The following C12orf54 variants were observed in gnomAD, a reference collection of about 807,000 sequenced individuals.
C12orf54 encodes the protein uncharacterized protein C12orf54.
C12orf54 carries 24 observed loss-of-function variants against 26.4 expected under a neutral mutation model. That is an observed-to-expected ratio of 0.91 (90% confidence interval 0.66 to 1.28). C12orf54 has a LOEUF of 1.28. C12orf54 is among the 50% of genes most tolerant of loss of function. The pLI, the probability that C12orf54 is intolerant of heterozygous loss-of-function variation, is 0.00. For missense variants in C12orf54, 154 were observed against 150.9 expected (o/e 1.02, Z -0.11); for synonymous variants, 54 against 47.0 (o/e 1.15, Z -0.61).
chr12:48,480,940 T>C (rs1375434189), upstream of C12orf54, among the ~76,000 whole-genome samples: 1 of 116,676 alleles, frequency 8.6e-6, no homozygotes, highest in Non-Finnish European at 2.3e-5. Context: ...ATGGAGGTCA[T>C]TATCCCAGGC....
At chr12:48,468,005 G>C in the C12orf54 span, among the ~76,000 whole-genome samples, 1 of 151,924 alleles carries the variant, frequency 6.6e-6, no homozygotes, top group Non-Finnish European at 1.5e-5. Flanking sequence ...AGTATTTATT[G>C]GCTCATTTAT....
At chr12:48,454,503 A>G in the C12orf54 span, among the ~76,000 whole-genome samples, 1 of 152,188 alleles carries the variant, frequency 6.6e-6, no homozygotes, top group Non-Finnish European at 1.5e-5. Context: ...GGCAGATTAG[A>G]AAGGCCTAGG....
At chr12:48,450,017 C>A in the C12orf54 span, among the ~76,000 whole-genome samples, 2 of 152,176 alleles carry the variant, frequency 1.3e-5, no homozygotes, top group East Asian at 3.8e-4. Context: ...CTGCCATGAT[C>A]CTGAGGCCTC....
At chr12:48,437,165 T>G in the C12orf54 span, among the ~76,000 whole-genome samples, 2 of 152,158 alleles carry the variant, frequency 1.3e-5, no homozygotes, top group South Asian at 4.1e-4. Flanking sequence ...AATGGATAAA[T>G]TCCTGGACAC....
At chr12:48,454,879 T>C in the C12orf54 span, among the ~76,000 whole-genome samples, 1 of 152,236 alleles carries the variant, frequency 6.6e-6, no homozygotes, top group Admixed American at 6.5e-5. Flanking sequence ...ACTGCTTCCT[T>C]GTGGCTCAAC....
At chr12:48,476,927 A>G in the C12orf54 span, among the ~76,000 whole-genome samples, 1 of 152,220 alleles carries the variant, frequency 6.6e-6, no homozygotes, top group African/African-American at 2.4e-5. Context: ...CTCCATCCCA[A>G]ATCAACAGAA....
chr12:48,433,389 A>G, the C12orf54 span, among the ~76,000 whole-genome samples: 21,356 of 146,566 alleles, frequency 0.15, 2,050 homozygotes, highest in Non-Finnish European at 0.22. Flanking sequence ...TCCTAAATGG[A>G]TTCTCCATTT....
intron 3 of C12orf54, 187 bp from the exon 4 acceptor site, chr12:48,486,501 G>A: frequency 7.6e-6 from 5 of 659,378 alleles, no homozygotes; most frequent in Non-Finnish European, 1.3e-5. Flanking sequence ...GAGCGAAGCA[G>A]GATATATGGG....
the C12orf54 span, among the ~76,000 whole-genome samples, chr12:48,455,883 C>T: frequency 6.6e-6 from 1 of 152,100 alleles, no homozygotes; most frequent in Admixed American, 6.6e-5. Context: ...ATTTATAGAA[C>T]ACTAACAATC....
At chr12:48,426,442 T>C in the C12orf54 span, among the ~76,000 whole-genome samples, 4 of 152,240 alleles carry the variant, frequency 2.6e-5, no homozygotes, top group South Asian at 8.3e-4. Flanking sequence ...ATTGGTCTTG[T>C]GTCTGTTTTT....
chr12:48,418,860 G>A, the C12orf54 span, among the ~76,000 whole-genome samples: 3 of 151,222 alleles, frequency 2.0e-5, no homozygotes, highest in South Asian at 6.2e-4. Flanking sequence ...TAGAGCCCAA[G>A]TAACATAGCC....
intron 6 of C12orf54, among the ~76,000 whole-genome samples, chr12:48,492,740 A>G (rs1473073128): frequency 2.6e-5 from 4 of 152,220 alleles, no homozygotes; most frequent in Admixed American, 1.3e-4. Flanking sequence ...TTCAGTGGCC[A>G]TGATCCGCTC....
the C12orf54 span, among the ~76,000 whole-genome samples, chr12:48,456,646 C>G: frequency 2.0e-5 from 3 of 152,140 alleles, no homozygotes; most frequent in Non-Finnish European, 4.4e-5. Context: ...CAATTGTTCT[C>G]CATGTTAGGT....
At chr12:48,428,898 C>T in the C12orf54 span, among the ~76,000 whole-genome samples, 16 of 152,198 alleles carry the variant, frequency 1.1e-4, no homozygotes, top group Admixed American at 9.2e-4. Context: ...CCCTCATGAA[C>T]GTAGATGCTA....
chr12:48,479,028 T>A (rs1254498119), upstream of C12orf54, among the ~76,000 whole-genome samples: 3 of 152,150 alleles, frequency 2.0e-5, no homozygotes, highest in Non-Finnish European at 2.9e-5. Context: ...ACCCAAAGGA[T>A]TAAAAATCAT....
At chr12:48,443,801 A>C in the C12orf54 span, among the ~76,000 whole-genome samples, 3 of 152,316 alleles carry the variant, frequency 2.0e-5, no homozygotes, top group East Asian at 5.8e-4. Flanking sequence ...AGAACCCTTC[A>C]GCTCTACTGA....
At chr12:48,434,705 A>T in the C12orf54 span, among the ~76,000 whole-genome samples, 1 of 152,228 alleles carries the variant, frequency 6.6e-6, no homozygotes, top group Non-Finnish European at 1.5e-5. Flanking sequence ...GAGGGTCCTG[A>T]CTGTTAGAAG....
rs1284688976 is a variant in C12orf54 at position 48,494,931 on chromosome 12, G to T, written c.376G>T (p.Gly126Ter). 3.7e-6 allele frequency: 6 copies of T among 1,613,106 alleles called. No homozygotes were observed. The African/African-American group carries it at 8.0e-5, about 22-fold the overall frequency. Residue 126 changes from glycine (G) to a stop codon, truncating the protein, a stop_gained, in exon 8 of 9, where the codon GGA becomes TGA. Transcript: ENST00000548364. LOFTEE classifies it high-confidence loss of function. ...QLFSQSAYYP[G>*]P ...CTTCAGTCAATCAGCTTACTACCCT[G>T]GACCCTAACTCTACAATCAAGGAAG...
the C12orf54 span, among the ~76,000 whole-genome samples, chr12:48,457,022 G>C: frequency 6.6e-6 from 1 of 152,026 alleles, no homozygotes; most frequent in Admixed American, 6.6e-5. Context: ...GTGGTTTCTA[G>C]ATACTTTGTA....
Sources: gnomAD v4.1 joint callset for allele counts (sites outside exome capture counted in the v4.1 genomes callset) on GRCh38, gnomAD v4.1.1 for gene constraint, MANE v1.5 for transcripts, NCBI Gene and HGNC (gene_info 2026-07-23, HGNC 2026-07-21) for gene names.